The following DOCK7 variants were observed in gnomAD, a reference collection of about 807,000 sequenced individuals.
DOCK7 encodes dedicator of cytokinesis 7, also known as dedicator of cytokinesis protein 7.
A neutral mutation model predicts 271.0 loss-of-function variants in DOCK7; 138 were observed. The observed-to-expected ratio is 0.51, with a 90% CI of 0.44 to 0.59. The LOEUF is 0.59. DOCK7 is among the 20% of genes least tolerant of loss of function. The probability of loss-of-function intolerance (pLI) is 0.00; values close to 1 mark genes in which losing one functional copy is unlikely to be tolerated. For synonymous variants in DOCK7, 823 were observed against 876.1 expected, an observed-to-expected ratio of 0.94 and a Z score of 1.07; for missense variants, 2,066 against 2,592.4, an observed-to-expected ratio of 0.80 and a Z score of 4.41.
intron 48 of DOCK7, among the ~76,000 whole-genome samples, chr1:62,470,708 C>T (rs541846628): frequency 1.3e-5 from 2 of 152,120 alleles, no homozygotes; most frequent in South Asian, 2.1e-4. Context: ...GCAGAAGAAT[C>T]GCTTGAACCC....
chr1:62,619,470 G>A (rs1415461473), intron 13 of DOCK7, among the ~76,000 whole-genome samples: 1 of 152,098 alleles, frequency 6.6e-6, no homozygotes, highest in Non-Finnish European at 1.5e-5. Flanking sequence ...ATACATACAT[G>A]CCTACAATAA....
intron 48 of DOCK7, among the ~76,000 whole-genome samples, chr1:62,461,848 G>C (rs1645538809): frequency 6.6e-6 from 1 of 150,984 alleles, no homozygotes; most frequent in Admixed American, 6.6e-5. Context: ...GAGGCGGGCG[G>C]ATCACCTGAG....
intron 10 of DOCK7, among the ~76,000 whole-genome samples, chr1:62,633,124 G>T (rs1654826404): frequency 6.6e-6 from 1 of 152,046 alleles, no homozygotes; most frequent in African/African-American, 2.4e-5. Context: ...GCTAGGAAAA[G>T]TTCTGTCAAT....
At chr1:62,556,689 A>C (rs910833515) in intron 20 of DOCK7, among the ~76,000 whole-genome samples, 1 of 152,202 alleles carries the variant, frequency 6.6e-6, no homozygotes, top group African/African-American at 2.4e-5. Context: ...GGGTAAACTG[A>C]ACAGCCACTT....
At chr1:62,654,492 T>C (rs1657752639) in intron 2 of DOCK7, among the ~76,000 whole-genome samples, 1 of 152,064 alleles carries the variant, frequency 6.6e-6, no homozygotes, top group South Asian at 2.1e-4. Flanking sequence ...TTTTTATATC[T>C]TTGGATATTA....
In DOCK7 at chr1:62,496,610, AT is replaced by A; in HGVS notation, c.4765-114del. On this transcript the variant is annotated intron_variant, in intron 37 of 49. Coordinates refer to ENST00000635253, the MANE Select transcript of DOCK7 (RefSeq NM_001367561.1). ...GAAAAAATACCATTCTAAGCAAAAT[AT>A]TTTTTAAAGTAATAAAATATGCATA... is the stretch of plus-strand genomic sequence containing the variant. The A allele has an allele frequency of 4.9e-6, 5 of 1,019,798 alleles. No homozygotes were observed. The South Asian group carries it at 1.0e-4, about 21-fold the overall frequency. The allele number at this position is 1,019,798 out of a possible 1,614,324, so 63.2% of individuals were successfully genotyped here. A position where few individuals can be genotyped will look rare whatever the true frequency, so the allele number is the denominator to read the frequency against.
intron 11 of DOCK7, chr1:62,629,495 A>G (rs541224521): frequency 6.6e-6 from 1 of 152,338 alleles, no homozygotes; most frequent in Admixed American, 6.5e-5. Flanking sequence ...TACATATTAT[A>G]CAAGTCAATA....
At chr1:62,537,517 C>T (rs537493514) in intron 28 of DOCK7, among the ~76,000 whole-genome samples, 7 of 146,066 alleles carry the variant, frequency 4.8e-5, no homozygotes, top group Admixed American at 2.1e-4. Flanking sequence ...ACCCCAGAGG[C>T]GGAAGTTGCA....
At chr1:62,488,781 G>A (rs1646371076) in intron 42 of DOCK7, 153 bp downstream of exon 42, 3 of 937,194 alleles carry the variant, frequency 3.2e-6, no homozygotes, top group Middle Eastern at 2.1e-4. Context: ...AATGAGCTTT[G>A]CTTTGGCCAT....
rs1645613437 is a variant in DOCK7 at position 62,543,811 on chromosome 1, G to A, written c.2860-66C>T. On this transcript the variant is annotated intron_variant, in intron 23 of 49. Coordinates refer to ENST00000635253, the MANE Select transcript of DOCK7 (RefSeq NM_001367561.1). ...GTTTGCAGTGGATGACTTTGCAGCTGATGGATTATGTACAAGTTTAAAACA... is the reference window on the plus strand; with the variant it reads ...GTTTGCAGTGGATGACTTTGCAGCTAATGGATTATGTACAAGTTTAAAACA... The A allele has an allele frequency of 6.2e-6, 7 of 1,133,194 alleles. No individual in the cohort carries two copies. The South Asian group carries it at 9.2e-5, about 15-fold the overall frequency. 70.2% of individuals were successfully genotyped at this position (1,133,194 alleles called of 1,614,324 possible).
intron 4 of DOCK7, among the ~76,000 whole-genome samples, chr1:62,650,738 T>C (rs910601705): frequency 3.0e-4 from 45 of 152,140 alleles, no homozygotes; most frequent in African/African-American, 6.7e-4. Flanking sequence ...ATCAAAACCA[T>C]AATGAGACAC....
intron 14 of DOCK7, chr1:62,603,919 G>A (rs1272894297): frequency 4.4e-6 from 7 of 1,580,862 alleles, no homozygotes; most frequent in Non-Finnish European, 6.1e-6. Context: ...AACTGTCAGT[G>A]TCCAACCTGT....
chr1:62,473,600 T>C (rs1256296638), intron 48 of DOCK7, among the ~76,000 whole-genome samples: 1 of 152,078 alleles, frequency 6.6e-6, no homozygotes, highest in African/African-American at 2.4e-5. Context: ...CTCTCTCTCT[T>C]TCTGACACAG....
Position 62,537,897 on chromosome 1 carries a change from T to C in DOCK7, c.3465A>G (p.Thr1155=). The C allele has an allele frequency of 1.9e-6, 3 of 1,613,228 alleles. No individual in the cohort carries two copies. Among genetic ancestry groups the C allele is most frequent in the African/African-American group, 1.3e-5 (1 of 75,054 alleles). ...ASPSPSVSSA[T]SQSSGFSTNV... is the part of the protein sequence containing the mutation. ...ATTCACACAATTTGCATACCTGAGA[T>C]GTTGCAGAAGAAACAGAAGGTGATG... is the stretch of plus-strand genomic sequence containing the variant. The change falls in exon 28 of 50, where the codon ACA becomes ACG. Residue 1155 remains threonine (T), a synonymous_variant. Coordinates refer to ENST00000635253, the MANE Select transcript of DOCK7 (RefSeq NM_001367561.1).
At chr1:62,458,533 TTG>T (rs200534685) in intron 48 of DOCK7, 548 of 38,734 alleles carry the variant, frequency 0.014, 23 homozygotes, top group Admixed American at 0.033. Context: ...TTAATAGGTT[TTG>T]TTTTTTTTTT....
intron 33 of DOCK7, among the ~76,000 whole-genome samples, chr1:62,512,324 A>T (rs553778316): frequency 1.3e-5 from 2 of 152,334 alleles, no homozygotes; most frequent in Non-Finnish European, 2.9e-5. Context: ...TATTGTCTGT[A>T]TGTCACTTTA....
At chr1:62,678,111 G>C (rs1475624000) in intron 1 of DOCK7, among the ~76,000 whole-genome samples, 4 of 152,124 alleles carry the variant, frequency 2.6e-5, no homozygotes, top group African/African-American at 9.7e-5. Context: ...CTGGACAACA[G>C]AGCAAGAGTC....
chr1:62,559,136 T>C lies in DOCK7; in HGVS notation c.2284A>G (p.Met762Val), dbSNP rs960489207. 3.1e-6 allele frequency: 5 copies of C among 1,613,878 alleles called. No homozygotes were observed. Among genetic ancestry groups the C allele is most frequent in the Non-Finnish European group, 4.2e-6 (5 of 1,179,904 alleles). ...AATTCATTTTCTAAGTTATTTTCCATGATTCGCATGTCCCCAATTCGGACT... is the reference window on the plus strand; with the variant it reads ...AATTCATTTTCTAAGTTATTTTCCACGATTCGCATGTCCCCAATTCGGACT... ...FPVRIGDMRIMENNLENELKS... is the reference protein window; with the variant it reads ...FPVRIGDMRIVENNLENELKS... Residue 762 changes from methionine (M) to valine (V), a missense_variant, in exon 20 of 50, where the codon ATG (methionine) becomes GTG (valine). Transcript: ENST00000635253.
intron 1 of DOCK7, among the ~76,000 whole-genome samples, chr1:62,669,191 G>A (rs1320668933): frequency 6.6e-6 from 1 of 152,206 alleles, no homozygotes; most frequent in Admixed American, 6.5e-5. Context: ...CAGACAGGCA[G>A]CAGACTAGCC....
Sources: gnomAD v4.1 joint callset for allele counts (sites outside exome capture counted in the v4.1 genomes callset) on GRCh38, gnomAD v4.1.1 for gene constraint, MANE v1.5 for transcripts, NCBI Gene and HGNC (gene_info 2026-07-23, HGNC 2026-07-21) for gene names.